Variants in RIMS2 observed in about 807,000 individuals in gnomAD.
RIMS2 encodes regulating synaptic membrane exocytosis protein 2.
In RIMS2, 59 loss-of-function variants were observed where a neutral mutation model predicts 174.4. The observed-to-expected ratio is 0.34, with a 90% confidence interval of 0.27 to 0.42. RIMS2 has a LOEUF of 0.42. Ranked by LOEUF, RIMS2 falls within the 10% of genes least tolerant of loss-of-function variation. RIMS2 has a pLI of 1.00. For synonymous variants in RIMS2, 606 were observed against 572.5 expected (o/e 1.06, Z -0.84); for missense variants, 1,620 against 1,666.3 (o/e 0.97, Z 0.48).
intron 19 of RIMS2, among the ~76,000 whole-genome samples, chr8:104,158,745 GT>G (rs1051810064): frequency 6.6e-6 from 1 of 151,636 alleles, no homozygotes; most frequent in African/African-American, 2.4e-5. Flanking sequence ...TGATGGGGTT[GT>G]TTTTTTTCTT....
chr8:103,822,158 C>T (rs188774177), intron 3 of RIMS2, among the ~76,000 whole-genome samples: 2 of 151,772 alleles, frequency 1.3e-5, no homozygotes, highest in East Asian at 1.9e-4. Context: ...TAGAATAGTA[C>T]TATGCATCAT....
At chr8:104,128,958 A>T (rs1329923791) in intron 19 of RIMS2, among the ~76,000 whole-genome samples, 1 of 152,206 alleles carries the variant, frequency 6.6e-6, no homozygotes, top group Non-Finnish European at 1.5e-5. Flanking sequence ...GCAATTTCTG[A>T]ATGTTATTCT....
At chr8:103,567,765 T>G (rs940807773) in intron 1 of RIMS2, among the ~76,000 whole-genome samples, 3 of 152,214 alleles carry the variant, frequency 2.0e-5, no homozygotes, top group African/African-American at 7.2e-5. Flanking sequence ...TGCACTATTT[T>G]ACATTCCCAC....
intron 2 of RIMS2, among the ~76,000 whole-genome samples, chr8:103,722,421 T>C (rs1428072750): frequency 6.6e-6 from 1 of 152,138 alleles, no homozygotes; most frequent in Non-Finnish European, 1.5e-5. Context: ...TTCCTGCAAC[T>C]AGATGGTTCC....
chr8:104,117,569 G>C (rs927450758), intron 19 of RIMS2, among the ~76,000 whole-genome samples: 1 of 151,850 alleles, frequency 6.6e-6, no homozygotes, highest in Non-Finnish European at 1.5e-5. Flanking sequence ...TTGAAATCCT[G>C]GCCTCAAGCA....
intron 1 of RIMS2, among the ~76,000 whole-genome samples, chr8:103,612,258 A>G (rs1183611721): frequency 6.6e-6 from 1 of 151,978 alleles, no homozygotes; most frequent in African/African-American, 2.4e-5. Context: ...GACAGGTCAC[A>G]TGTCTCTCTA....
At chr8:104,245,788 T>C (rs1387277863) in intron 20 of RIMS2, among the ~76,000 whole-genome samples, 1 of 152,220 alleles carries the variant, frequency 6.6e-6, no homozygotes, top group Non-Finnish European at 1.5e-5. Flanking sequence ...AGTTTACAGA[T>C]GTGAGGCCGT....
At chr8:103,882,932 T>C (rs1051455212) in intron 3 of RIMS2, among the ~76,000 whole-genome samples, 5 of 151,676 alleles carry the variant, frequency 3.3e-5, no homozygotes, top group African/African-American at 1.2e-4. Context: ...TATTCCTTTT[T>C]TTAACTTCTA....
At chr8:104,005,247 G>A (rs185661644) in intron 17 of RIMS2, among the ~76,000 whole-genome samples, 16 of 152,280 alleles carry the variant, frequency 1.1e-4, no homozygotes, top group African/African-American at 3.1e-4. Context: ...TATTAATAAT[G>A]AATGTTACTG....
intron 2 of RIMS2, among the ~76,000 whole-genome samples, chr8:103,717,138 C>CTTTTTTTTTTTTT (rs11373218): frequency 1.8e-5 from 2 of 113,106 alleles, no homozygotes; most frequent in Non-Finnish European, 3.5e-5. Flanking sequence ...ATAGTGCCTT[C>CTTTTTTTTTTTTT]TTTTTTTTTT....
At chr8:103,902,811 T>C (rs1297040693) in intron 4 of RIMS2, among the ~76,000 whole-genome samples, 1 of 152,130 alleles carries the variant, frequency 6.6e-6, no homozygotes, top group African/African-American at 2.4e-5. Flanking sequence ...ATTGTCGTTA[T>C]TATTTGAAAA....
rs921036328 is a variant in RIMS2 at position 103,559,875 on chromosome 8, C to T, written c.176+58813C>T. ...ATAGTAGCCAGTGTATTATTTGTTT[C>T]AATTCTGTAAGCTCCTATTCCCACA... On this transcript the variant is annotated intron_variant, in intron 1 of 23. Transcript: ENST00000504942. Among the ~76,000 whole-genome samples, 20 of 152,152 alleles carry T rather than the reference C, an allele frequency of 1.3e-4. 2 individuals carry two copies. The highest frequency in any genetic ancestry group is 2.9e-5 in the Non-Finnish European group (2 of 68,026).
At chr8:104,031,298 C>A (rs972389395) in intron 19 of RIMS2, among the ~76,000 whole-genome samples, 1 of 151,948 alleles carries the variant, frequency 6.6e-6, no homozygotes, top group Non-Finnish European at 1.5e-5. Context: ...TTCATTTCAT[C>A]ACAATAAAAC....
rs376803046 is a variant in RIMS2 at position 104,039,710 on chromosome 8, G to A, written c.3334+25095G>A. ...TGTATAAAAACACAATGCAACATAC[G>A]AAAGTCGGCATTTGCCTAGGGTATT... is the stretch of plus-strand genomic sequence containing the variant. On this transcript the variant is annotated intron_variant, in intron 19 of 23. Coordinates refer to ENST00000504942, the Ensembl canonical transcript of RIMS2. 5.9e-5 allele frequency among the ~76,000 whole-genome samples: 9 copies of A among 151,740 alleles called. No individual in the cohort carries two copies. The East Asian group carries it at 1.7e-3, about 29-fold the overall frequency.
chr8:103,876,909 T>TACACAC (rs1554922575), intron 3 of RIMS2, among the ~76,000 whole-genome samples: 1,063 of 65,620 alleles, frequency 0.016, 56 homozygotes, highest in Non-Finnish European at 0.03. Flanking sequence ...TATATATATA[T>TACACAC]ACACACACAC....
chr8:103,551,252 C>T (rs1024282296), intron 1 of RIMS2, among the ~76,000 whole-genome samples: 2 of 152,094 alleles, frequency 1.3e-5, no homozygotes, highest in Non-Finnish European at 2.9e-5. Context: ...TTATCCACCA[C>T]GATCAAGTGG....
At chr8:103,923,792 T>C (rs557964798) in intron 10 of RIMS2, among the ~76,000 whole-genome samples, 1 of 151,874 alleles carries the variant, frequency 6.6e-6, no homozygotes, top group South Asian at 2.1e-4. Context: ...ATATTTATTG[T>C]GGGAAATCTG....
chr8:104,211,307 T>G (rs1437943016), intron 19 of RIMS2, among the ~76,000 whole-genome samples: 4 of 152,168 alleles, frequency 2.6e-5, no homozygotes, highest in African/African-American at 9.7e-5. Context: ...GCCTTCTACT[T>G]TAGATTGGAT....
At chr8:104,212,967 T>G (rs1043512012) in intron 19 of RIMS2, among the ~76,000 whole-genome samples, 3 of 152,178 alleles carry the variant, frequency 2.0e-5, no homozygotes, top group South Asian at 2.1e-4. Flanking sequence ...ACTCAATTTT[T>G]TCTTTACCTG....
Sources: allele counts gnomAD v4.1 joint callset (sites outside exome capture counted in the v4.1 genomes callset), GRCh38; gene constraint gnomAD v4.1.1; transcripts MANE v1.5; gene names NCBI Gene and HGNC (gene_info 2026-07-23, HGNC 2026-07-21).